The following NLRC5 variants were observed in gnomAD, a reference collection of about 807,000 sequenced individuals.
The protein encoded by NLRC5 is NLR family CARD domain containing 5, also known as protein NLRC5.
A neutral mutation model predicts 206.9 loss-of-function variants in NLRC5; 114 were observed. That is an observed-to-expected ratio of 0.55 (90% CI 0.47 to 0.64). The LOEUF (loss-of-function observed/expected upper bound fraction) is 0.64, where lower values mean the gene tolerates loss of function less well. Among genes scored for constraint, NLRC5 ranks in the 30% least tolerant of loss-of-function variants. The pLI, the probability that NLRC5 is intolerant of heterozygous loss-of-function variation, is 0.00. For missense variants in NLRC5, 2,008 were observed against 2,305.5 expected, an observed-to-expected ratio of 0.87 and a Z score of 2.64; for synonymous variants, 952 against 962.8, an observed-to-expected ratio of 0.99 and a Z score of 0.21.
At chr16:57,036,402 C>T (rs999799955) in intron 14 of NLRC5, among the ~76,000 whole-genome samples, 3 of 152,140 alleles carry the variant, frequency 2.0e-5, no homozygotes, top group East Asian at 1.9e-4. Flanking sequence ...GTGTAAAATG[C>T]GTTCATTATA....
At chr16:57,037,069 G>A in intron 14 of NLRC5, 126 bp from the exon 15 acceptor site, 1 of 786,100 alleles carries the variant, frequency 1.3e-6, no homozygotes, top group Non-Finnish European at 2.2e-6. Context: ...AGATCCCCTG[G>A]CAAGGGACCT....
intron 1 of NLRC5, among the ~76,000 whole-genome samples, chr16:57,011,654 G>A (rs1308019987): frequency 6.6e-6 from 1 of 151,392 alleles, no homozygotes; most frequent in Non-Finnish European, 1.5e-5. Context: ...CTCAGGAGTA[G>A]GAGGCTGCAT....
chr16:57,080,586 G>A (rs1403916959), intron 46 of NLRC5, among the ~76,000 whole-genome samples: 1 of 145,502 alleles, frequency 6.9e-6, no homozygotes, highest in African/African-American at 2.5e-5. Flanking sequence ...CCGGGTTCAA[G>A]AGATTCTCCT....
At chr16:57,077,155 T>C (rs1217480221) in intron 40 of NLRC5, 141 bp from the exon 41 acceptor site, 8 of 756,858 alleles carry the variant, frequency 1.1e-5, no homozygotes, top group Non-Finnish European at 1.6e-5. Context: ...GGTTAGGAGC[T>C]GTCACTCAAC....
intron 48 of NLRC5, 101 bp downstream of exon 48, chr16:57,081,711 G>T: frequency 9.9e-7 from 1 of 1,005,604 alleles, no homozygotes. Flanking sequence ...CTGGGCTGGG[G>T]ATTATCAAAG....
At chr16:57,049,659 G>A (rs185975221) in intron 23 of NLRC5, among the ~76,000 whole-genome samples, 43 of 152,008 alleles carry the variant, frequency 2.8e-4, no homozygotes, top group Non-Finnish European at 5.7e-4. Context: ...GCTTGAACCC[G>A]GGAGGCAGAG....
chr16:57,067,889 C>A, intron 36 of NLRC5, 61 bp downstream of exon 36: 1 of 1,295,518 alleles, frequency 7.7e-7, no homozygotes, highest in Non-Finnish European at 1.1e-6. Context: ...TGACACCTCC[C>A]GTTATTCCCA....
intron 32 of NLRC5, among the ~76,000 whole-genome samples, chr16:57,064,656 G>A (rs1403419443): frequency 1.3e-5 from 2 of 152,342 alleles, no homozygotes; most frequent in Admixed American, 6.5e-5. Context: ...CAGTGCAGTG[G>A]CTCACGCCTG....
chr16:56,993,005 A>G (rs77431602), intron 1 of NLRC5, among the ~76,000 whole-genome samples: 1,597 of 146,806 alleles, frequency 0.011, 59 homozygotes, highest in East Asian at 0.096. Context: ...CAGCCACCCA[A>G]TTGCCCTCCC....
At chr16:57,037,079 T>A (rs2062679851) in intron 14 of NLRC5, 116 bp from the exon 15 acceptor site, 2 of 854,010 alleles carry the variant, frequency 2.3e-6, no homozygotes, top group Non-Finnish European at 4.0e-6. Flanking sequence ...GCAAGGGACC[T>A]AGGACATCCA....
intron 16 of NLRC5, 73 bp downstream of exon 16, chr16:57,039,922 G>T: frequency 7.8e-7 from 1 of 1,281,968 alleles, no homozygotes; most frequent in Non-Finnish European, 1.1e-6. Flanking sequence ...CAGCTGGGCA[G>T]TGCCAGTCAG....
chr16:57,048,538 A>AT lies in NLRC5; in HGVS notation c.3422+920dup, dbSNP rs375826164. On this transcript the variant is annotated intron_variant, in intron 23 of 48. Transcript: ENST00000688547. ...ACAAAACCATTATCAGACCTACACT[A>AT]TTTTTTTTTTCTGAGACAGAGTTTT... Among the ~76,000 whole-genome samples, 567 of 148,360 alleles carry AT rather than the reference A, an allele frequency of 3.8e-3. 3 individuals carry two copies. The highest frequency in any genetic ancestry group is 0.013 in the African/African-American group (525 of 40,402).
rs978525741 is a variant in NLRC5 at position 57,055,436 on chromosome 16, G to T, written c.3663G>T (p.Arg1221Ser). 6.2e-7 allele frequency: 1 copy of T among 1,613,944 alleles called. No homozygotes were observed. Among genetic ancestry groups the T allele is most frequent in the Non-Finnish European group, 8.5e-7 (1 of 1,179,928 alleles). The change falls in exon 27 of 49, where the codon AGG becomes AGT. Residue 1221 changes from arginine to serine, a missense_variant. Physicochemically the swap from Arg to Ser is moderately radical, Grantham distance 110. Transcript: ENST00000688547. The part of the protein sequence containing the change: ...NEEEEGVCCG[R>S]FTGCSLSQEH... ...TGTCCCCTTTACCTCCGTCCAGCAG[G>T]TTCACAGGCTGCAGCCTCAGCCAGG...
In NLRC5 at chr16:57,083,233, T is replaced by G. The variant is rs1247148075; in HGVS notation, c.*705T>G. The stretch of plus-strand genomic sequence containing the variant: ...ATAAACTTGATGACTCCTCCCTTAC[T>G]TACATACTAGCTTCCAAGGACAGGT... On this transcript the variant is annotated 3_prime_UTR_variant, in exon 49 of 49. Coordinates refer to ENST00000688547, the MANE Select transcript of NLRC5 (RefSeq NM_001384950.1). 9.2e-5 allele frequency: 14 copies of G among 152,358 alleles called. No individual in the cohort carries two copies. The highest frequency in any genetic ancestry group is 9.1e-4 in the Admixed American group (14 of 15,304). 9.4% of individuals were successfully genotyped at this position (152,358 alleles called of 1,614,324 possible).
At position 57,031,458 on chromosome 16, in the gene NLRC5, A is replaced by G. The variant is rs1265381969; in HGVS notation, c.2472A>G (p.Leu824=). The G allele has an allele frequency of 6.2e-7, 1 of 1,613,754 alleles. No individual in the cohort carries two copies. Among genetic ancestry groups the G allele is most frequent in the Admixed American group, 1.7e-5 (1 of 59,994 alleles). Residue 824 remains leucine (L), a synonymous_variant, in exon 11 of 49, where the codon CTA becomes CTG. Coordinates refer to ENST00000688547, the MANE Select transcript of NLRC5 (RefSeq NM_001384950.1). ...LSPPTETTAE[L]QRAPDLQESD... ...CGCCCACAGAGACAACTGCAGAGCT[A>G]CAAAGGTAAGAAGCCAAGAGGCGGT...
At chr16:57,036,389 C>T (rs2062580900) in intron 14 of NLRC5, among the ~76,000 whole-genome samples, 1 of 152,216 alleles carries the variant, frequency 6.6e-6, no homozygotes. Context: ...AGCACCCTTA[C>T]ATGTGTAAAA....
intron 20 of NLRC5, chr16:57,045,240 T>A (rs1173958836): frequency 1.7e-6 from 1 of 576,682 alleles, no homozygotes; most frequent in Admixed American, 2.9e-5. Flanking sequence ...TCTTACCTCA[T>A]TGTTTATTGT....
At chr16:57,065,361 T>C in intron 33 of NLRC5, 63 bp downstream of exon 33, 1 of 1,210,014 alleles carries the variant, frequency 8.3e-7, no homozygotes, top group African/African-American at 1.5e-5. Context: ...GGACTTTTCC[T>C]TGACCTTCCC....
chr16:57,031,918 G>A (rs563013555), intron 11 of NLRC5, among the ~76,000 whole-genome samples: 104 of 151,996 alleles, frequency 6.8e-4, no homozygotes, highest in African/African-American at 2.4e-3. Context: ...TATTCCAGCT[G>A]TGCATGGATT....
Sources: gnomAD v4.1 joint callset for allele counts (sites outside exome capture counted in the v4.1 genomes callset) on GRCh38, gnomAD v4.1.1 for gene constraint, MANE v1.5 for transcripts, NCBI Gene and HGNC (gene_info 2026-07-23, HGNC 2026-07-21) for gene names.